SPTBN1: variants seen among roughly 807,000 people sequenced by gnomAD.
The protein encoded by SPTBN1 is spectrin beta, non-erythrocytic 1.
Under a neutral mutation model 266.4 loss-of-function variants are expected in SPTBN1, and 32 were observed. The observed-to-expected ratio is 0.12, with a 90% CI of 0.09 to 0.16. The LOEUF is 0.16. SPTBN1 is among the 10% of genes least tolerant of loss of function. SPTBN1 has a pLI of 1.00. For synonymous variants in SPTBN1, 1,336 were observed against 1,162.2 expected (o/e 1.15, Z -3.04); for missense variants, 2,296 against 3,067.1 (o/e 0.75, Z 5.94).
chr2:54,557,219 A>G (rs959068082), intron 2 of SPTBN1, among the ~76,000 whole-genome samples: 8 of 152,170 alleles, frequency 5.3e-5, no homozygotes, highest in African/African-American at 1.4e-4. Context: ...AGTTACTTCA[A>G]TTACAAGTGC....
At chr2:54,573,622 C>T (rs1030655834) in intron 2 of SPTBN1, among the ~76,000 whole-genome samples, 1 of 152,198 alleles carries the variant, frequency 6.6e-6, no homozygotes. Context: ...CGGGAATTCA[C>T]AGTGTAACTC....
intron 17 of SPTBN1, 26 bp from the exon 18 acceptor site, chr2:54,637,687 A>C: frequency 6.4e-7 from 1 of 1,570,586 alleles, no homozygotes; most frequent in Non-Finnish European, 8.7e-7. Context: ...CTTTTTTAAA[A>C]ATTATTTTTG....
At chr2:54,650,085 A>G (rs990311271) in intron 26 of SPTBN1, 96 bp downstream of exon 26, 38 of 1,460,300 alleles carry the variant, frequency 2.6e-5, no homozygotes, top group Non-Finnish European at 3.6e-6. Context: ...TTGGCTCTTC[A>G]AAAGAATTGC....
chr2:54,555,170 C>A (rs1008603969), intron 2 of SPTBN1, among the ~76,000 whole-genome samples: 3 of 152,178 alleles, frequency 2.0e-5, no homozygotes, highest in African/African-American at 4.8e-5. Context: ...CCCAGGCCTT[C>A]CCCAGGGCTC....
chr2:54,576,073 G>GTTTTTTTTTTTTT (rs1674449935), intron 2 of SPTBN1, among the ~76,000 whole-genome samples: 1 of 4,834 alleles, frequency 2.1e-4, no homozygotes, highest in Admixed American at 2.0e-3. Flanking sequence ...TTTTTTTTTT[G>GTTTTTTTTTTTTT]AGAGACAGTC....
At chr2:54,569,727 T>C (rs1673923578) in intron 2 of SPTBN1, among the ~76,000 whole-genome samples, 1 of 152,188 alleles carries the variant, frequency 6.6e-6, no homozygotes, top group African/African-American at 2.4e-5. Context: ...AATGAGATTG[T>C]TGTAAGAATT....
rs1198736559 is a variant in SPTBN1, at chr2:54,664,501, C to G, written c.6469C>G (p.Gln2157Glu). Residue 2157 changes from glutamine (Q) to glutamate (E), a missense_variant, in exon 33 of 36, where the codon CAA becomes GAA. Gln to Glu is a conservative substitution (Grantham distance 29). This residue lies in a region of SPTBN1 where 347 missense variants were observed against 368.5 expected (regional missense o/e 0.94). Coordinates refer to ENST00000356805, the MANE Select transcript of SPTBN1 (RefSeq NM_003128.3). This position sits in a 1 kb window ranked among gnomAD's most constrained non-coding sequence, Gnocchi z 5.6. ...CGAAATGGTCAACGGCGCTACAGAA[C>G]AAAGGACGAGCTCTAAAGAGTCCAG... ...TSEMVNGATE[Q>E]RTSSKESSPI... The G allele has an allele frequency of 6.2e-7, 1 of 1,614,040 alleles. No homozygotes were observed.
chr2:54,503,943 C>T (rs1469722858), intron 1 of SPTBN1, among the ~76,000 whole-genome samples: 3 of 152,168 alleles, frequency 2.0e-5, no homozygotes, highest in Admixed American at 2.0e-4. Context: ...TATTCTGCAG[C>T]CTTCAGGTGT....
intron 2 of SPTBN1, among the ~76,000 whole-genome samples, chr2:54,541,020 A>G (rs928054796): frequency 6.6e-6 from 1 of 152,224 alleles, no homozygotes; most frequent in Non-Finnish European, 1.5e-5. Flanking sequence ...TAACAACAAA[A>G]ACAATCTAGT....
At chr2:54,594,546 G>A (rs370936852) in intron 2 of SPTBN1, among the ~76,000 whole-genome samples, 37 of 152,108 alleles carry the variant, frequency 2.4e-4, no homozygotes, top group African/African-American at 8.5e-4. Flanking sequence ...CAAATTCCCC[G>A]TAGATACTGG....
chr2:54,534,054 A>G (rs2104368242), intron 2 of SPTBN1, among the ~76,000 whole-genome samples: 1 of 152,232 alleles, frequency 6.6e-6, no homozygotes, highest in South Asian at 2.1e-4. Context: ...TTCATTTTCC[A>G]CTGCAGCAAA....
At chr2:54,512,785 A>G (rs527788867) in intron 1 of SPTBN1, among the ~76,000 whole-genome samples, 19 of 152,338 alleles carry the variant, frequency 1.2e-4, no homozygotes, top group Admixed American at 4.6e-4. Flanking sequence ...AAGAAGCACT[A>G]TGTTTTAGAG....
intron 2 of SPTBN1, among the ~76,000 whole-genome samples, chr2:54,573,856 C>T (rs78671748): frequency 2.0e-5 from 3 of 152,092 alleles, no homozygotes. Flanking sequence ...GACAGGAAAA[C>T]GGATCCTGTT....
chr2:54,550,412 C>T (rs1173395052), intron 2 of SPTBN1, among the ~76,000 whole-genome samples: 1 of 152,164 alleles, frequency 6.6e-6, no homozygotes, highest in Non-Finnish European at 1.5e-5. Context: ...TTTTAACACA[C>T]CAGGGCTGCA....
intron 2 of SPTBN1, among the ~76,000 whole-genome samples, chr2:54,579,139 C>A (rs1339539612): frequency 6.6e-6 from 1 of 152,140 alleles, no homozygotes; most frequent in Non-Finnish European, 1.5e-5. Flanking sequence ...CCATTTTGTT[C>A]TTTTCAGAAT....
chr2:54,485,899 A>G (rs537197126), intron 1 of SPTBN1, among the ~76,000 whole-genome samples: 328 of 136,526 alleles, frequency 2.4e-3, no homozygotes, highest in Non-Finnish European at 2.4e-3. Context: ...CTGGGAGGTG[A>G]GGAGCGTCTC....
chr2:54,585,352 GT>G (rs1191327909), intron 2 of SPTBN1, among the ~76,000 whole-genome samples: 5 of 152,170 alleles, frequency 3.3e-5, no homozygotes, highest in African/African-American at 1.2e-4. Context: ...GGATCTTATG[GT>G]GCTACCCTGC....
Position 54,664,795 on chromosome 2 carries a change from T to C in SPTBN1, c.6659+104T>C. 1 of 1,198,468 alleles carries C rather than the reference T, an allele frequency of 8.3e-7. No homozygotes were observed. The highest frequency in any genetic ancestry group is 1.2e-6 in the Non-Finnish European group (1 of 855,628). 74.2% of individuals were successfully genotyped at this position (1,198,468 alleles called of 1,614,324 possible). On this transcript the variant is annotated intron_variant, in intron 33 of 35. Coordinates refer to ENST00000356805, the MANE Select transcript of SPTBN1 (RefSeq NM_003128.3). The surrounding 1 kb of genome is among the most constrained non-coding windows in gnomAD (Gnocchi z 5.6). ...AGAGAAGTATGTGCTCATGTAGTTT[T>C]ATTCCTTTGGTAGCTTCCTGGACAT...
chr2:54,480,024 C>T (rs766556772), intron 1 of SPTBN1, among the ~76,000 whole-genome samples: 11 of 152,142 alleles, frequency 7.2e-5, no homozygotes, highest in Non-Finnish European at 1.0e-4. Flanking sequence ...CCTGCTCAAA[C>T]TTAATTGCTT....
Sources: gnomAD v4.1 joint callset for allele counts (sites outside exome capture counted in the v4.1 genomes callset) on GRCh38, gnomAD v4.1.1 for gene constraint, gnomAD v4.1.1 regional missense constraint, Gnocchi (gnomAD v3.1) non-coding constraint, MANE v1.5 for transcripts, NCBI Gene and HGNC (gene_info 2026-07-23, HGNC 2026-07-21) for gene names.